The following HOMER2 variants were observed in gnomAD, a reference collection of about 807,000 sequenced individuals.
The protein encoded by HOMER2 is homer protein homolog 2.
In HOMER2, 27 loss-of-function variants were observed where a neutral mutation model predicts 47.0. That is an observed-to-expected ratio of 0.57 (90% CI 0.42 to 0.79). The LOEUF is 0.79. HOMER2 is among the 30% of genes least tolerant of loss of function. The probability of loss-of-function intolerance (pLI) is 0.00; values close to 1 mark genes in which losing one functional copy is unlikely to be tolerated. For missense variants in HOMER2, 443 were observed against 435.0 expected (o/e 1.02, Z -0.16); for synonymous variants, 161 against 163.8 (o/e 0.98, Z 0.13).
At chr15:82,945,202 G>T (rs1018219609) in intron 1 of HOMER2, among the ~76,000 whole-genome samples, 2 of 130,188 alleles carry the variant, frequency 1.5e-5, no homozygotes, top group East Asian at 2.2e-4. Context: ...ACTGCTTTAA[G>T]AAATTGTTAA....
chr15:82,875,877 A>T (rs1287756571), intron 2 of HOMER2, among the ~76,000 whole-genome samples: 1 of 152,242 alleles, frequency 6.6e-6, no homozygotes, highest in African/African-American at 2.4e-5. Context: ...TCCCAACAGG[A>T]AGGAGCAGGT....
intron 5 of HOMER2, among the ~76,000 whole-genome samples, chr15:82,856,170 G>A (rs551375447): frequency 7.2e-5 from 11 of 152,208 alleles, no homozygotes; most frequent in Non-Finnish European, 1.6e-4. Context: ...TTCTAGAGTT[G>A]ATGACTGACA....
chr15:82,877,905 G>C (rs1449668339), intron 2 of HOMER2, among the ~76,000 whole-genome samples: 1 of 152,098 alleles, frequency 6.6e-6, no homozygotes, highest in Admixed American at 6.5e-5. Context: ...AAAGCTATGG[G>C]ACCTTGGAGG....
Position 82,875,379 on chromosome 15 carries a change from G to T in HOMER2, c.188C>A (p.Pro63Gln). Residue 63 changes from proline (P) to glutamine (Q), a missense_variant, in exon 3 of 9, where the codon CCG (proline) becomes CAG (glutamine). By Grantham distance (76) the Pro-to-Gln change is moderately conservative. Transcript: ENST00000450735. ...TGACGTTTTGGTGAAGGTCATATTC[G>T]GTGTGATTGTGCTGTTTATGATCAC... is the stretch of plus-strand genomic sequence containing the variant. ...AKVIINSTIT[P>Q]NMTFTKTSQK... The T allele has an allele frequency of 1.9e-6, 3 of 1,613,932 alleles. No homozygotes were observed. Among genetic ancestry groups the T allele is most frequent in the South Asian group, 1.1e-5 (1 of 91,082 alleles).
chr15:82,855,085 C>T (rs902100298), intron 5 of HOMER2, among the ~76,000 whole-genome samples: 5 of 152,080 alleles, frequency 3.3e-5, no homozygotes, highest in Non-Finnish European at 7.4e-5. Flanking sequence ...GCCTGTAATC[C>T]TAACACTTTG....
chr15:82,946,684 TG>T (rs377699199), intron 1 of HOMER2, among the ~76,000 whole-genome samples: 1 of 152,334 alleles, frequency 6.6e-6, no homozygotes, highest in African/African-American at 2.4e-5. Context: ...TGTAATAAAC[TG>T]TGTATTTTAT....
chr15:82,956,793 G>C (rs2054591111), upstream of HOMER2, among the ~76,000 whole-genome samples: 1 of 152,178 alleles, frequency 6.6e-6, no homozygotes, highest in East Asian at 1.9e-4. Flanking sequence ...ACAAGGCCTG[G>C]AGTATAGAAA....
chr15:82,969,797 A>G (rs2029922294), intron 1 of HOMER2, among the ~76,000 whole-genome samples: 1 of 152,266 alleles, frequency 6.6e-6, no homozygotes, highest in South Asian at 2.1e-4. Context: ...AGTAACTGAA[A>G]GTTAACACTT....
chr15:82,917,608 G>A (rs777558020), intron 1 of HOMER2, among the ~76,000 whole-genome samples: 6 of 152,206 alleles, frequency 3.9e-5, no homozygotes, highest in Non-Finnish European at 8.8e-5. Context: ...GAGAAGTTAC[G>A]TGTTTAGAAT....
At chr15:82,895,263 AG>A (rs1193651766) in intron 1 of HOMER2, among the ~76,000 whole-genome samples, 6 of 152,206 alleles carry the variant, frequency 3.9e-5, no homozygotes, top group Non-Finnish European at 7.3e-5. Flanking sequence ...ACAGAGACCA[AG>A]TTCACCCACA....
intron 1 of HOMER2, among the ~76,000 whole-genome samples, chr15:82,899,000 T>C (rs1431095309): frequency 6.6e-6 from 1 of 152,172 alleles, no homozygotes; most frequent in Admixed American, 6.5e-5. Flanking sequence ...CCAAACACCA[T>C]CTACTACACC....
intron 2 of HOMER2, among the ~76,000 whole-genome samples, chr15:82,881,861 G>A (rs1424639959): frequency 6.6e-6 from 1 of 152,164 alleles, no homozygotes; most frequent in Non-Finnish European, 1.5e-5. Context: ...TAAAATAACT[G>A]AGAACCAAGG....
intron 3 of HOMER2, among the ~76,000 whole-genome samples, chr15:82,866,502 G>T (rs1216286098): frequency 6.6e-6 from 1 of 152,164 alleles, no homozygotes; most frequent in Non-Finnish European, 1.5e-5. Context: ...TGTTGGGAAG[G>T]CATGACTGGT....
At chr15:82,841,630 A>C (rs1199812606) in exon 2 of HOMER2, 1 of 152,234 alleles carries the variant, frequency 6.6e-6, no homozygotes, top group Non-Finnish European at 1.5e-5. Context: ...ATGAGTTGAG[A>C]AAGTGAAATA....
At chr15:82,844,860 G>A (rs1478059253), downstream of HOMER2, 1 of 152,160 alleles carries the variant, frequency 6.6e-6, no homozygotes, top group East Asian at 1.9e-4. Flanking sequence ...ATTAAAAGCA[G>A]TACAAGAGGG....
rs1470418014 is a variant in HOMER2 at position 82,849,228 on chromosome 15, T to C, written c.*487A>G. On this transcript the variant is annotated 3_prime_UTR_variant, in exon 9 of 9. Coordinates refer to ENST00000450735, the MANE Select transcript of HOMER2 (RefSeq NM_004839.4). Reference sequence around the variant, plus strand: ...TTTCCATCTCTCAGAAAGTTTCCACTAAACAGTTGTTTTAAAGCCTCTCGA... The same window carrying C: ...TTTCCATCTCTCAGAAAGTTTCCACCAAACAGTTGTTTTAAAGCCTCTCGA... 6.6e-6 allele frequency: 1 copy of C among 152,466 alleles called. No homozygotes were observed. The highest frequency in any genetic ancestry group is 1.5e-5 in the Non-Finnish European group (1 of 68,474). 9.4% of individuals were successfully genotyped at this position (152,466 alleles called of 1,614,324 possible).
intron 1 of HOMER2, among the ~76,000 whole-genome samples, chr15:82,911,712 T>C (rs1459885525): frequency 6.6e-6 from 1 of 152,200 alleles, no homozygotes; most frequent in East Asian, 1.9e-4. Flanking sequence ...ATTTGGCAGA[T>C]AAAAAGACAG....
chr15:82,840,073 ATTAT>A (rs1207933943), exon 2 of HOMER2: 1 of 152,216 alleles, frequency 6.6e-6, no homozygotes, highest in Non-Finnish European at 1.5e-5. Flanking sequence ...GAAATTATAA[ATTAT>A]TTATAACTTA....
At chr15:82,869,738 A>G (rs1279090484) in intron 3 of HOMER2, among the ~76,000 whole-genome samples, 1 of 152,194 alleles carries the variant, frequency 6.6e-6, no homozygotes, top group African/African-American at 2.4e-5. Flanking sequence ...GATTACAGGC[A>G]TGAGCCATCA....
Sources: allele counts gnomAD v4.1 joint callset (sites outside exome capture counted in the v4.1 genomes callset), GRCh38; gene constraint gnomAD v4.1.1; transcripts MANE v1.5; gene names NCBI Gene and HGNC (gene_info 2026-07-23, HGNC 2026-07-21).